Variants in DPP6 observed in about 807,000 individuals in gnomAD.
DPP6 encodes the protein dipeptidyl peptidase like 6.
Under a neutral mutation model 122.6 loss-of-function variants are expected in DPP6, and 69 were observed. The ratio of observed to expected loss-of-function variants is 0.56; its 90% CI spans 0.46 to 0.69. DPP6 has a LOEUF of 0.69. Among genes scored for constraint, DPP6 ranks in the 30% least tolerant of loss-of-function variants. DPP6 has a pLI of 0.00. For synonymous variants in DPP6, 418 were observed against 433.1 expected (o/e 0.97, Z 0.43); for missense variants, 928 against 1,116.9 (o/e 0.83, Z 2.41).
chr7:153,856,324 A>C, the DPP6 span, among the ~76,000 whole-genome samples: 1 of 152,370 alleles, frequency 6.6e-6, no homozygotes, highest in Non-Finnish European at 1.5e-5. Flanking sequence ...TTCCTGGAGT[A>C]AATGTTCTCC....
At position 154,028,095 on chromosome 7, in the gene DPP6, G is replaced by A. The variant is rs974952150; in HGVS notation, c.51+140361G>A. Among the ~76,000 whole-genome samples the A allele has an allele frequency of 5.7e-4, 86 of 151,750 alleles. 1 individual carries two copies. The highest frequency in any genetic ancestry group is 1.6e-3 in the African/African-American group (68 of 41,228). On this transcript the variant is annotated intron_variant, in intron 1 of 25. Transcript: ENST00000404039. ...CCATGGGCTGCCCAGGTGCCCAGGC[G>A]TCCTGGGTCCCCACCCTCGCATGGC...
chr7:154,432,809 C>G (rs923483632), intron 1 of DPP6, among the ~76,000 whole-genome samples: 3 of 152,166 alleles, frequency 2.0e-5, no homozygotes, highest in African/African-American at 7.2e-5. Context: ...AATGATGTCA[C>G]TGGTCACCCA....
At chr7:154,210,334 C>T (rs1432641737) in intron 1 of DPP6, among the ~76,000 whole-genome samples, 6 of 152,228 alleles carry the variant, frequency 3.9e-5, no homozygotes, top group Non-Finnish European at 7.4e-5. Context: ...TGACCTGCCA[C>T]GGTGCCCAAA....
chr7:153,990,954 T>G (rs1797147472), intron 1 of DPP6, among the ~76,000 whole-genome samples: 1 of 152,120 alleles, frequency 6.6e-6, no homozygotes, highest in Admixed American at 6.6e-5. Context: ...TGTTTCTGGA[T>G]CCCCACAAAA....
intron 16 of DPP6, among the ~76,000 whole-genome samples, chr7:154,827,506 G>A (rs1800252566): frequency 6.6e-6 from 1 of 152,050 alleles, no homozygotes; most frequent in Non-Finnish European, 1.5e-5. Flanking sequence ...AGTCAGCCCT[G>A]GGCAGGAAGA....
chr7:154,876,420 G>A (rs1324790925), intron 20 of DPP6: 3 of 270,892 alleles, frequency 1.1e-5, no homozygotes, highest in Non-Finnish European at 2.0e-5. Flanking sequence ...GTCCACGCAT[G>A]TCTTTGCCAT....
In DPP6 at chr7:154,501,449, G is replaced by A. The variant is rs116501935; in HGVS notation, c.457+26412G>A. 3.3e-3 allele frequency among the ~76,000 whole-genome samples: 501 copies of A among 152,268 alleles called. 3 individuals carry two copies. Among genetic ancestry groups the A allele is most frequent in the African/African-American group, 0.011 (464 of 41,552 alleles). ...AGTGGTTTGGTGGACTGGGCCCAGG[G>A]TTCATGTGCTGTGTGCAGCCTAGGG... On this transcript the variant is annotated intron_variant, in intron 3 of 25. Transcript: ENST00000377770.
At chr7:154,799,170 A>G (rs1798208724) in intron 12 of DPP6, among the ~76,000 whole-genome samples, 1 of 152,222 alleles carries the variant, frequency 6.6e-6, no homozygotes, top group Non-Finnish European at 1.5e-5. Flanking sequence ...GGTGAGTTGT[A>G]GCGAGCCTGC....
chr7:154,135,126 T>C (rs1795481302), intron 1 of DPP6, among the ~76,000 whole-genome samples: 1 of 151,886 alleles, frequency 6.6e-6, no homozygotes, highest in African/African-American at 2.4e-5. Flanking sequence ...ATGTGTACAC[T>C]TCCTTTGAGC....
intron 1 of DPP6, among the ~76,000 whole-genome samples, chr7:153,979,407 A>ATAATACTC (rs1457879984): frequency 3.9e-5 from 6 of 152,360 alleles, no homozygotes; most frequent in Non-Finnish European, 8.8e-5. Context: ...GTATCCTGAG[A>ATAATACTC]CTTTGCTGAA....
At chr7:154,237,957 A>G (rs1226747190) in intron 1 of DPP6, among the ~76,000 whole-genome samples, 4 of 152,164 alleles carry the variant, frequency 2.6e-5, no homozygotes, top group Non-Finnish European at 2.9e-5. Context: ...ATGTCTGAGG[A>G]CACCCTCTGC....
At position 153,951,907 on chromosome 7, in the gene DPP6, G is replaced by A. The variant is rs183535170; in HGVS notation, c.51+64173G>A. Among the ~76,000 whole-genome samples, 1,021 of 152,248 alleles carry A rather than the reference G, an allele frequency of 6.7e-3. 6 individuals carry two copies. Among genetic ancestry groups the A allele is most frequent in the South Asian group, 0.011 (53 of 4,824 alleles). ...AAAATACAAAAATTACTTGGGCGTG[G>A]TGGTGCATGCCTGTAGTCCCAGCTA... is the stretch of plus-strand genomic sequence containing the variant. On this transcript the variant is annotated intron_variant, in intron 1 of 25. Coordinates refer to the DPP6 transcript ENST00000404039.
intron 1 of DPP6, among the ~76,000 whole-genome samples, chr7:154,167,265 T>C (rs1174011906): frequency 6.6e-6 from 1 of 152,078 alleles, no homozygotes; most frequent in Non-Finnish European, 1.5e-5. Context: ...GGTAGGCAAA[T>C]AGAAGTTAAG....
intron 16 of DPP6, among the ~76,000 whole-genome samples, chr7:154,823,141 T>C (rs1336207176): frequency 6.6e-6 from 1 of 152,130 alleles, no homozygotes; most frequent in Non-Finnish European, 1.5e-5. Flanking sequence ...AGCCAAAATA[T>C]TCTTTAAGAC....
chr7:154,424,765 A>C (rs1817753857), intron 1 of DPP6, among the ~76,000 whole-genome samples: 1 of 152,206 alleles, frequency 6.6e-6, no homozygotes, highest in Admixed American at 6.5e-5. Flanking sequence ...TAGATCTAGA[A>C]GTTGCCACTT....
the DPP6 span, among the ~76,000 whole-genome samples, chr7:153,794,076 G>A: frequency 1.2e-4 from 18 of 152,338 alleles, no homozygotes; most frequent in African/African-American, 2.6e-4. Context: ...CAGTGCAGAC[G>A]GAAATGTGGG....
intron 1 of DPP6, among the ~76,000 whole-genome samples, chr7:153,922,943 G>T (rs1800709837): frequency 6.6e-6 from 1 of 152,222 alleles, no homozygotes; most frequent in Admixed American, 6.5e-5. Flanking sequence ...TGCAGTCCCT[G>T]ACATCAGTGA....
intron 10 of DPP6, among the ~76,000 whole-genome samples, chr7:154,787,882 T>G (rs990704759): frequency 1.3e-5 from 2 of 152,206 alleles, no homozygotes; most frequent in Admixed American, 6.5e-5. Context: ...ATAATATCCT[T>G]CCATTTCATC....
intron 1 of DPP6, among the ~76,000 whole-genome samples, chr7:154,390,049 G>A (rs1270413174): frequency 1.3e-5 from 2 of 152,196 alleles, no homozygotes; most frequent in Non-Finnish European, 2.9e-5. Flanking sequence ...GCTTTAATTG[G>A]TAGTACAATG....
Sources: gnomAD v4.1 joint callset for allele counts (sites outside exome capture counted in the v4.1 genomes callset) on GRCh38, gnomAD v4.1.1 for gene constraint, MANE v1.5 for transcripts, NCBI Gene and HGNC (gene_info 2026-07-23, HGNC 2026-07-21) for gene names.